RABGAP1L: variants seen among roughly 807,000 people sequenced by gnomAD.
RABGAP1L encodes rab GTPase-activating protein 1-like.
In RABGAP1L, 63 loss-of-function variants were observed where a neutral mutation model predicts 137.7. The observed-to-expected ratio is 0.46, with a 90% CI of 0.37 to 0.56. The LOEUF (loss-of-function observed/expected upper bound fraction) is 0.56. RABGAP1L is among the 20% of genes least tolerant of loss of function. The probability of loss-of-function intolerance (pLI) is 0.00; values close to 1 mark genes in which losing one functional copy is unlikely to be tolerated. For missense variants in RABGAP1L, 1,095 were observed against 1,244.0 expected (o/e 0.88, Z 1.80); for synonymous variants, 431 against 433.7 (o/e 0.99, Z 0.08).
chr1:174,853,318 A>G (rs1394618301), intron 19 of RABGAP1L, among the ~76,000 whole-genome samples: 7 of 151,866 alleles, frequency 4.6e-5, no homozygotes, highest in Non-Finnish European at 7.4e-5. Flanking sequence ...TGTATAAACC[A>G]TATTTTACAG....
intron 13 of RABGAP1L, among the ~76,000 whole-genome samples, chr1:174,428,979 T>A (rs1652280825): frequency 1.6e-5 from 1 of 62,556 alleles, no homozygotes; most frequent in South Asian, 3.6e-4. Flanking sequence ...ACAACACAGA[T>A]TTTTTTTTGA....
intron 17 of RABGAP1L, among the ~76,000 whole-genome samples, chr1:174,714,286 A>G (rs1030904011): frequency 2.6e-5 from 4 of 152,178 alleles, no homozygotes; most frequent in African/African-American, 9.7e-5. Context: ...TTAAATGGAT[A>G]CATCCTTTTC....
chr1:174,186,783 C>A (rs1666835083), intron 1 of RABGAP1L, among the ~76,000 whole-genome samples: 1 of 152,138 alleles, frequency 6.6e-6, no homozygotes, highest in Non-Finnish European at 1.5e-5. Flanking sequence ...ACACTTTAAA[C>A]ATTTTATTTT....
chr1:174,329,260 G>A (rs1053056145), intron 11 of RABGAP1L, among the ~76,000 whole-genome samples: 14 of 152,016 alleles, frequency 9.2e-5, no homozygotes, highest in African/African-American at 3.1e-4. Context: ...ATTTTTGAAC[G>A]CATACAACCT....
intron 17 of RABGAP1L, among the ~76,000 whole-genome samples, chr1:174,746,703 C>G (rs143687974): frequency 6.6e-6 from 1 of 152,206 alleles, no homozygotes; most frequent in Non-Finnish European, 1.5e-5. Context: ...TTTAGAGTAT[C>G]ACTTTTGGAA....
intron 13 of RABGAP1L, among the ~76,000 whole-genome samples, chr1:174,458,932 C>G (rs1344292583): frequency 6.6e-6 from 1 of 152,038 alleles, no homozygotes; most frequent in Non-Finnish European, 1.5e-5. Context: ...GAAGATATAG[C>G]TGTATAAGAG....
intron 13 of RABGAP1L, among the ~76,000 whole-genome samples, chr1:174,621,914 G>A (rs1672514789): frequency 6.6e-6 from 1 of 152,118 alleles, no homozygotes; most frequent in Non-Finnish European, 1.5e-5. Context: ...GAGTGAACAG[G>A]CAACCTACAA....
At chr1:174,396,832 A>C (rs1647919794) in intron 13 of RABGAP1L, among the ~76,000 whole-genome samples, 1 of 152,118 alleles carries the variant, frequency 6.6e-6, no homozygotes, top group South Asian at 2.1e-4. Flanking sequence ...CAACTTGCAA[A>C]AAATACTTTA....
chr1:174,467,521 G>C (rs1657439012), intron 13 of RABGAP1L, among the ~76,000 whole-genome samples: 1 of 151,984 alleles, frequency 6.6e-6, no homozygotes, highest in South Asian at 2.1e-4. Context: ...CTATACCAGG[G>C]AAGAGAAATA....
chr1:174,324,106 C>T (rs540215617), intron 11 of RABGAP1L, among the ~76,000 whole-genome samples: 13 of 152,106 alleles, frequency 8.5e-5, no homozygotes, highest in South Asian at 4.2e-4. Flanking sequence ...ATCATGTAGG[C>T]GAATCATTGG....
At chr1:174,613,699 T>C (rs1671496532) in intron 13 of RABGAP1L, among the ~76,000 whole-genome samples, 1 of 152,192 alleles carries the variant, frequency 6.6e-6, no homozygotes, top group Non-Finnish European at 1.5e-5. Flanking sequence ...TCTAAGTCTC[T>C]TTGTAGGTTA....
intron 19 of RABGAP1L, chr1:174,935,157 TTTAAA>T (rs1263846979): frequency 1.4e-4 from 22 of 152,342 alleles, no homozygotes; most frequent in African/African-American, 4.8e-4. Context: ...ATGGTTTCAG[TTTAAA>T]TTAAAGATTC....
In RABGAP1L at chr1:174,829,373, G is replaced by A. The variant is rs1691882042; in HGVS notation, c.2340+17413G>A. Among the ~76,000 whole-genome samples, 3 of 148,096 alleles carry A rather than the reference G, an allele frequency of 2.0e-5. 1 individual carries two copies. Among genetic ancestry groups the A allele is most frequent in the South Asian group, 4.4e-4 (2 of 4,536 alleles). The stretch of plus-strand genomic sequence containing the variant: ...ATCTGTCTGAATTTTGCTTTTAAGA[G>A]TGGTGTTTATTATACTGTGTAGCTT... On this transcript the variant is annotated intron_variant, in intron 19 of 25. Transcript: ENST00000681986.
At chr1:174,532,384 T>G (rs376540369) in intron 13 of RABGAP1L, among the ~76,000 whole-genome samples, 156 of 151,984 alleles carry the variant, frequency 1.0e-3, no homozygotes, top group African/African-American at 3.6e-3. Context: ...AATTTTTGTA[T>G]TTTTAGTAGA....
At chr1:174,212,882 A>G (rs1669006676) in intron 1 of RABGAP1L, among the ~76,000 whole-genome samples, 1 of 152,180 alleles carries the variant, frequency 6.6e-6, no homozygotes, top group African/African-American at 2.4e-5. Flanking sequence ...GCAGAAATTC[A>G]AAGGATCATT....
intron 13 of RABGAP1L, chr1:174,548,132 GATC>G: frequency 6.6e-7 from 1 of 1,511,072 alleles, no homozygotes; most frequent in Non-Finnish European, 8.9e-7. Flanking sequence ...CAACTTTATG[GATC>G]ATTTCCCAGG....
intron 13 of RABGAP1L, among the ~76,000 whole-genome samples, chr1:174,525,205 C>G (rs1443931695): frequency 6.6e-6 from 1 of 151,762 alleles, no homozygotes; most frequent in Admixed American, 6.6e-5. Flanking sequence ...TTATAGGGAT[C>G]GAATTAAATT....
rs1269547300 is a variant in RABGAP1L, at chr1:174,330,997, C to A, written c.1465+25870C>A. 2.0e-5 allele frequency among the ~76,000 whole-genome samples: 3 copies of A among 152,218 alleles called. No homozygotes were observed. The East Asian group carries it at 5.8e-4, about 29-fold the overall frequency. ...TTGGCATAAAAAATAGACGCATAGA[C>A]CTATGGAACAAAATAGAGAGTCCCG... On this transcript the variant is annotated intron_variant, in intron 11 of 25. Coordinates refer to ENST00000681986, the MANE Select transcript of RABGAP1L (RefSeq NM_001366446.1).
chr1:174,921,476 A>G lies in RABGAP1L; in HGVS notation c.2341-35981A>G, dbSNP rs530750246. On this transcript the variant is annotated intron_variant, in intron 19 of 25. Coordinates refer to ENST00000681986, the MANE Select transcript of RABGAP1L (RefSeq NM_001366446.1). ...TATAATAAAGGTGTACAATTCTTCA[A>G]GGTAAAAATACCTCCACATGGGCAT... Among the ~76,000 whole-genome samples, 6 of 152,356 alleles carry G rather than the reference A, an allele frequency of 3.9e-5. 1 individual carries two copies. The South Asian group carries it at 1.2e-3, about 32-fold the overall frequency.
Sources: allele counts gnomAD v4.1 joint callset (sites outside exome capture counted in the v4.1 genomes callset), GRCh38; gene constraint gnomAD v4.1.1; transcripts MANE v1.5; gene names NCBI Gene and HGNC (gene_info 2026-07-23, HGNC 2026-07-21).